DPP6: variants seen among roughly 807,000 people sequenced by gnomAD.
The protein encoded by DPP6 is dipeptidyl peptidase like 6.
A neutral mutation model predicts 122.6 loss-of-function variants in DPP6; 69 were observed. The ratio of observed to expected loss-of-function variants is 0.56; its 90% CI spans 0.46 to 0.69. The LOEUF (loss-of-function observed/expected upper bound fraction) is 0.69, where lower values mean the gene tolerates loss of function less well. Among genes scored for constraint, DPP6 ranks in the 30% least tolerant of loss-of-function variants. The pLI is 0.00. For synonymous variants in DPP6, 418 were observed against 433.1 expected (o/e 0.97, Z 0.43); for missense variants, 928 against 1,116.9 (o/e 0.83, Z 2.41).
the DPP6 span, among the ~76,000 whole-genome samples, chr7:153,862,728 G>A: frequency 6.6e-6 from 1 of 151,924 alleles, no homozygotes; most frequent in Non-Finnish European, 1.5e-5. Flanking sequence ...ATTTTTTTTA[G>A]TATTTTAGGT....
chr7:154,621,431 C>T (rs540430139), intron 5 of DPP6, among the ~76,000 whole-genome samples: 14 of 152,208 alleles, frequency 9.2e-5, no homozygotes, highest in Non-Finnish European at 1.3e-4. Context: ...GGCAGTGGTG[C>T]AATCTCAGCT....
chr7:154,133,640 C>T (rs565119846), intron 1 of DPP6, among the ~76,000 whole-genome samples: 5 of 152,042 alleles, frequency 3.3e-5, no homozygotes, highest in African/African-American at 7.3e-5. Flanking sequence ...GTAGATAAAC[C>T]GAGAAAAATG....
intron 3 of DPP6, among the ~76,000 whole-genome samples, chr7:154,498,641 T>G (rs1824958942): frequency 6.6e-6 from 1 of 152,060 alleles, no homozygotes; most frequent in Non-Finnish European, 1.5e-5. Flanking sequence ...CCCAGCCAGA[T>G]AGACCATCTA....
intron 10 of DPP6, among the ~76,000 whole-genome samples, chr7:154,792,249 A>G (rs1318927294): frequency 6.6e-6 from 1 of 152,240 alleles, no homozygotes; most frequent in Non-Finnish European, 1.5e-5. Context: ...CACAGGCCCC[A>G]TGTGGCTCTC....
chr7:153,987,106 G>A (rs1447294630), intron 1 of DPP6, among the ~76,000 whole-genome samples: 1 of 152,140 alleles, frequency 6.6e-6, no homozygotes, highest in Non-Finnish European at 1.5e-5. Context: ...TTATTATTTG[G>A]TAAAAGTTGC....
intron 1 of DPP6, among the ~76,000 whole-genome samples, chr7:154,275,425 G>T (rs539944531): frequency 6.6e-6 from 1 of 152,102 alleles, no homozygotes; most frequent in Non-Finnish European, 1.5e-5. Flanking sequence ...ACAAAGAGCC[G>T]GAACCCTGGG....
At chr7:154,474,098 C>T (rs561255449) in intron 2 of DPP6, among the ~76,000 whole-genome samples, 1 of 152,322 alleles carries the variant, frequency 6.6e-6, no homozygotes, top group East Asian at 1.9e-4. Flanking sequence ...GTGGAATGGA[C>T]TGGCCTGTAG....
chr7:154,557,697 G>A (rs1375776246), intron 4 of DPP6, among the ~76,000 whole-genome samples: 2 of 152,118 alleles, frequency 1.3e-5, no homozygotes, highest in African/African-American at 4.8e-5. Context: ...GTGCACAGCT[G>A]TGATCCCCGA....
At chr7:153,898,885 G>A (rs1306058565) in intron 1 of DPP6, among the ~76,000 whole-genome samples, 1 of 152,166 alleles carries the variant, frequency 6.6e-6, no homozygotes, top group Non-Finnish European at 1.5e-5. Flanking sequence ...TGCTTTGCTG[G>A]TTTGTATATA....
chr7:153,931,077 G>A (rs964853115), intron 1 of DPP6, among the ~76,000 whole-genome samples: 2 of 152,272 alleles, frequency 1.3e-5, no homozygotes, highest in African/African-American at 2.4e-5. Flanking sequence ...AGGAAATGAC[G>A]CTCACTGGGA....
intron 8 of DPP6, among the ~76,000 whole-genome samples, chr7:154,747,694 G>A (rs965320590): frequency 4.6e-5 from 7 of 152,100 alleles, no homozygotes; most frequent in Non-Finnish European, 8.8e-5. Flanking sequence ...CTGAATAAGT[G>A]CCTAAGATCC....
intron 1 of DPP6, among the ~76,000 whole-genome samples, chr7:154,264,524 CT>C (rs1323717303): frequency 6.6e-6 from 1 of 152,078 alleles, no homozygotes; most frequent in African/African-American, 2.4e-5. Flanking sequence ...TGTAGGATTA[CT>C]GTAAAGATGA....
intron 7 of DPP6, among the ~76,000 whole-genome samples, chr7:154,680,942 A>AGCAGAATAACAAAATTCAAGGTC (rs1839244445): frequency 6.6e-6 from 1 of 152,222 alleles, no homozygotes; most frequent in Admixed American, 6.5e-5. Flanking sequence ...AAGGAGAGAA[A>AGCAGAATAACAAAATTCAAGGTC]GCAGAATAAC....
intron 1 of DPP6, among the ~76,000 whole-genome samples, chr7:153,952,045 A>AACAG (rs1802241899): frequency 6.6e-6 from 1 of 152,176 alleles, no homozygotes; most frequent in Non-Finnish European, 1.5e-5. Context: ...TCTGTCTCAA[A>AACAG]AAAGAAAGAA....
chr7:154,801,566 A>G (rs1798369030), intron 13 of DPP6, 104 bp downstream of exon 13: 5 of 1,420,058 alleles, frequency 3.5e-6, no homozygotes, highest in South Asian at 1.5e-5. Flanking sequence ...GAGGACCCCA[A>G]GGAATCTGAA....
At chr7:154,155,969 G>T (rs1796657392) in intron 1 of DPP6, among the ~76,000 whole-genome samples, 1 of 152,224 alleles carries the variant, frequency 6.6e-6, no homozygotes. Flanking sequence ...GGGGCCCCAG[G>T]CCTGGCAGTG....
intron 4 of DPP6, among the ~76,000 whole-genome samples, chr7:154,552,883 C>G (rs1355558313): frequency 6.6e-6 from 1 of 152,194 alleles, no homozygotes; most frequent in East Asian, 1.9e-4. Context: ...ATTAGTAAAA[C>G]TTCTTGATTC....
At chr7:153,749,392 C>T in the DPP6 span, among the ~76,000 whole-genome samples, 2 of 152,114 alleles carry the variant, frequency 1.3e-5, no homozygotes, top group African/African-American at 2.4e-5. The surrounding 1 kb of genome is among the most constrained non-coding windows in gnomAD (Gnocchi z 4.1). Context: ...CAATCAGACC[C>T]CCCTGGGCCA....
chr7:154,861,964 C>T (rs1440865131), intron 17 of DPP6, among the ~76,000 whole-genome samples: 1 of 152,092 alleles, frequency 6.6e-6, no homozygotes, highest in African/African-American at 2.4e-5. Flanking sequence ...ACATTGTGGC[C>T]CATCCATTCT....
Sources: allele counts gnomAD v4.1 joint callset (sites outside exome capture counted in the v4.1 genomes callset), GRCh38; gene constraint gnomAD v4.1.1; non-coding constraint Gnocchi (gnomAD v3.1); transcripts MANE v1.5; gene names NCBI Gene and HGNC (gene_info 2026-07-23, HGNC 2026-07-21).